Variants in EML4 observed in about 807,000 individuals in gnomAD.
EML4 encodes the protein echinoderm microtubule-associated protein-like 4.
EML4 carries 72 observed loss-of-function variants against 129.0 expected under a neutral mutation model. The observed-to-expected ratio is 0.56, with a 90% confidence interval of 0.46 to 0.68. The LOEUF is 0.68. Among genes scored for constraint, EML4 ranks in the 30% least tolerant of loss-of-function variants. The pLI, the probability that EML4 is intolerant of heterozygous loss-of-function variation, is 0.00. For synonymous variants in EML4, 532 were observed against 405.0 expected (o/e 1.31, Z -3.77); for missense variants, 1,363 against 1,190.6 (o/e 1.14, Z -2.13).
intron 19 of EML4, among the ~76,000 whole-genome samples, chr2:42,321,787 C>T (rs1371604656): frequency 4.6e-5 from 7 of 152,124 alleles, no homozygotes. Context: ...TTCCTCAAAC[C>T]AGCAAACGCA....
intron 1 of EML4, among the ~76,000 whole-genome samples, chr2:42,221,403 C>CTTATTTTTTTT (rs1253968094): frequency 9.2e-6 from 1 of 108,256 alleles, no homozygotes; most frequent in South Asian, 2.8e-4. Context: ...ACATGGTTTA[C>CTTATTTTTTTT]TTTTTTTTTT....
intron 1 of EML4, among the ~76,000 whole-genome samples, chr2:42,235,621 G>A (rs769081923): frequency 3.9e-5 from 6 of 152,180 alleles, no homozygotes; most frequent in Non-Finnish European, 8.8e-5. Context: ...AGTGCTTTAG[G>A]AAGGGGAGAT....
chr2:42,229,512 C>G (rs1674183913), intron 1 of EML4, among the ~76,000 whole-genome samples: 1 of 151,882 alleles, frequency 6.6e-6, no homozygotes, highest in South Asian at 2.1e-4. Context: ...AGAATTTTTT[C>G]ATAAAGCAAG....
intron 1 of EML4, among the ~76,000 whole-genome samples, chr2:42,224,267 G>C (rs1673808204): frequency 6.6e-6 from 1 of 152,044 alleles, no homozygotes; most frequent in African/African-American, 2.4e-5. Flanking sequence ...TTACAGGTTT[G>C]CCTGTTCAGG....
At chr2:42,279,501 A>T (rs1243233652) in intron 6 of EML4, among the ~76,000 whole-genome samples, 2 of 150,010 alleles carry the variant, frequency 1.3e-5, no homozygotes, top group Non-Finnish European at 3.0e-5. Context: ...TCTGTCACCC[A>T]GGCTGGAGTG....
intron 10 of EML4, 150 bp downstream of exon 10, chr2:42,286,529 A>G: frequency 3.3e-6 from 2 of 613,298 alleles, no homozygotes; most frequent in Admixed American, 2.8e-5. Flanking sequence ...CTATTGCTAA[A>G]TGGCTAGCAT....
chr2:42,275,655 A>G (rs1292264247), intron 6 of EML4, among the ~76,000 whole-genome samples: 4 of 152,228 alleles, frequency 2.6e-5, no homozygotes, highest in African/African-American at 4.8e-5. Flanking sequence ...TTGTTTGAAC[A>G]TAAGTTAGTA....
At chr2:42,206,964 A>G (rs916438946) in intron 1 of EML4, among the ~76,000 whole-genome samples, 9 of 152,210 alleles carry the variant, frequency 5.9e-5, no homozygotes, top group African/African-American at 2.2e-4. Context: ...TGGTTGGTCA[A>G]AAATAGTTGC....
intron 1 of EML4, among the ~76,000 whole-genome samples, chr2:42,230,737 A>G (rs1171817316): frequency 6.6e-6 from 1 of 152,236 alleles, no homozygotes; most frequent in Non-Finnish European, 1.5e-5. Context: ...TCTTCTCAGC[A>G]GGGCACTGTG....
intron 1 of EML4, among the ~76,000 whole-genome samples, chr2:42,231,775 CT>C (rs1458519347): frequency 6.6e-6 from 1 of 152,128 alleles, no homozygotes; most frequent in Non-Finnish European, 1.5e-5. Context: ...TGGTGAAACC[CT>C]GTCTCTACTA....
chr2:42,290,953 G>T (rs1487081259), intron 11 of EML4, among the ~76,000 whole-genome samples: 1 of 152,040 alleles, frequency 6.6e-6, no homozygotes, highest in Non-Finnish European at 1.5e-5. Flanking sequence ...TGAAGGGGAA[G>T]AAATAGGGAA....
Position 42,245,598 on chromosome 2 carries a change from T to C in EML4, c.119T>C (p.Val40Ala). 2.5e-6 allele frequency: 4 copies of C among 1,613,908 alleles called. No homozygotes were observed. Among genetic ancestry groups the C allele is most frequent in the Non-Finnish European group, 2.5e-6 (3 of 1,179,862 alleles). Residue 40 changes from valine to alanine, a missense_variant, in exon 2 of 23, where the codon GTG becomes GCG. By Grantham distance (64) the Val-to-Ala change is moderately conservative. Coordinates refer to ENST00000318522, the MANE Select transcript of EML4 (RefSeq NM_019063.5). ...RVQQQEDEIT[V>A]LKAALADVLR... ...CAGCAACAAGAAGATGAAATCACTGTGCTAAAGGCGGCTTTGGCTGATGTT... is the reference window on the plus strand; with the variant it reads ...CAGCAACAAGAAGATGAAATCACTGCGCTAAAGGCGGCTTTGGCTGATGTT...
chr2:42,298,374 A>G (rs1668073721), intron 13 of EML4, among the ~76,000 whole-genome samples: 1 of 152,234 alleles, frequency 6.6e-6, no homozygotes, highest in African/African-American at 2.4e-5. Flanking sequence ...ACTTGACCAT[A>G]TGAGTAAGCC....
chr2:42,297,891 A>G (rs1398440653), intron 13 of EML4, among the ~76,000 whole-genome samples: 2 of 152,106 alleles, frequency 1.3e-5, no homozygotes, highest in African/African-American at 2.4e-5. Context: ...GTGCTTTTAT[A>G]TATTTTTTTC....
chr2:42,288,521 A>T, intron 11 of EML4, 199 bp downstream of exon 11: 1 of 328,944 alleles, frequency 3.0e-6, no homozygotes. Context: ...TAGTCAAGCA[A>T]CTTGAAGCAA....
chr2:42,316,467 T>C, intron 18 of EML4, among the ~76,000 whole-genome samples: 1 of 152,248 alleles, frequency 6.6e-6, no homozygotes, highest in East Asian at 1.9e-4. Context: ...CTTCAAGTCC[T>C]TTAGAATCTA....
intron 19 of EML4, among the ~76,000 whole-genome samples, chr2:42,323,799 C>T (rs537496362): frequency 6.8e-5 from 10 of 147,210 alleles, no homozygotes; most frequent in East Asian, 2.0e-4. Flanking sequence ...CAAAAATTAG[C>T]GGGGCGTGGT....
intron 1 of EML4, among the ~76,000 whole-genome samples, chr2:42,199,860 C>G (rs1261417824): frequency 5.3e-5 from 8 of 152,000 alleles, no homozygotes; most frequent in Admixed American, 5.2e-4. Context: ...TGAAAGTCAT[C>G]TATGGGTTAT....
At chr2:42,202,999 G>T (rs182689921) in intron 1 of EML4, among the ~76,000 whole-genome samples, 2 of 152,204 alleles carry the variant, frequency 1.3e-5, no homozygotes, top group African/African-American at 4.8e-5. Context: ...GTGTACTCCA[G>T]CCTGGGTGAC....
Sources: gnomAD v4.1 joint callset for allele counts (sites outside exome capture counted in the v4.1 genomes callset) on GRCh38, gnomAD v4.1.1 for gene constraint, MANE v1.5 for transcripts, NCBI Gene and HGNC (gene_info 2026-07-23, HGNC 2026-07-21) for gene names.